The following DCC variants were observed in gnomAD, a reference collection of about 807,000 sequenced individuals.
DCC encodes netrin receptor DCC.
In DCC, 58 loss-of-function variants were observed where a neutral mutation model predicts 172.5. The ratio of observed to expected loss-of-function variants is 0.34; its 90% CI spans 0.27 to 0.42. DCC has a LOEUF of 0.42. Among genes scored for constraint, DCC ranks in the 10% least tolerant of loss-of-function variants. The pLI is 1.00. For missense variants in DCC, 1,740 were observed against 1,791.0 expected (o/e 0.97, Z 0.51); for synonymous variants, 709 against 644.5 (o/e 1.10, Z -1.52).
At chr18:52,752,865 T>A (rs2037018900) in intron 2 of DCC, among the ~76,000 whole-genome samples, 1 of 152,140 alleles carries the variant, frequency 6.6e-6, no homozygotes, top group Non-Finnish European at 1.5e-5. Flanking sequence ...TTTCTTTCAG[T>A]GCCTGGCATG....
intron 9 of DCC, among the ~76,000 whole-genome samples, chr18:53,203,857 T>C (rs904902383): frequency 6.6e-6 from 1 of 152,222 alleles, no homozygotes; most frequent in Non-Finnish European, 1.5e-5. Context: ...TAGGTAACCA[T>C]AGTGTGGCCA....
At chr18:52,366,832 C>T (rs911270644) in intron 1 of DCC, among the ~76,000 whole-genome samples, 15 of 152,384 alleles carry the variant, frequency 9.8e-5, no homozygotes, top group Non-Finnish European at 2.1e-4. Context: ...AGGAGCCCAG[C>T]TAGCTTCACC....
intron 15 of DCC, among the ~76,000 whole-genome samples, chr18:53,350,846 C>A (rs12969525): frequency 0.1 from 15,655 of 151,860 alleles, 860 homozygotes; most frequent in Middle Eastern, 0.19. Flanking sequence ...ATGTGAAAGA[C>A]AAAAACAGAA....
chr18:53,391,840 TA>T lies in DCC; in HGVS notation c.2642del (p.Tyr881SerfsTer23). 1 of 1,613,814 alleles carries T rather than the reference TA, an allele frequency of 6.2e-7. No individual in the cohort carries two copies. Among genetic ancestry groups the T allele is most frequent in the Non-Finnish European group, 8.5e-7 (1 of 1,179,708 alleles). On this transcript the variant is annotated frameshift_variant, in exon 17 of 29. Transcript: ENST00000442544. LOFTEE classifies it high-confidence loss of function. Reference protein sequence around the residue: ...KNQKTSEVRLYTVRWRTSFSA... With the variant: ...KNQKTSEVRLXTVRWRTSFSA... ...CCAAAAGACGTCTGAGGTGCGACTT[TA>T]CACCGTCCGGTGGAGAACCAGCTTT...
chr18:53,087,724 T>G (rs2042936297), intron 7 of DCC, among the ~76,000 whole-genome samples: 1 of 152,168 alleles, frequency 6.6e-6, no homozygotes, highest in African/African-American at 2.4e-5. Flanking sequence ...TCTAGGGTTT[T>G]TATGGTTTTA....
rs935983937 is a variant in DCC, at chr18:53,504,115, A to T, written c.4111+4605A>T. On this transcript the variant is annotated intron_variant, in intron 27 of 28. Transcript: ENST00000442544. ...GATTTATATTTTATGGATGGTTGGG[A>T]AATCATGTATTCCTGCTGTAACCTG... Among the ~76,000 whole-genome samples the T allele has an allele frequency of 7.2e-5, 11 of 152,324 alleles. No individual in the cohort carries two copies. In the East Asian group the frequency reaches 2.1e-3, roughly 29 times the overall value.
intron 12 of DCC, among the ~76,000 whole-genome samples, chr18:53,227,673 A>G (rs1005803148): frequency 4.7e-4 from 72 of 152,346 alleles, no homozygotes; most frequent in African/African-American, 1.7e-3. Flanking sequence ...ACTTAAGAAC[A>G]TATTATGTAT....
chr18:53,142,999 T>C (rs897679475), intron 7 of DCC, among the ~76,000 whole-genome samples: 17 of 152,186 alleles, frequency 1.1e-4, no homozygotes, highest in African/African-American at 4.1e-4. Context: ...GTATTCTTTT[T>C]GGAAAGAATA....
intron 7 of DCC, among the ~76,000 whole-genome samples, chr18:53,146,944 A>G (rs985320493): frequency 1.3e-5 from 2 of 152,212 alleles, no homozygotes; most frequent in Non-Finnish European, 2.9e-5. Flanking sequence ...ATTTTTTTAA[A>G]TTAAAAAAGA....
chr18:52,540,754 C>A (rs192607929), intron 1 of DCC, among the ~76,000 whole-genome samples: 2 of 151,670 alleles, frequency 1.3e-5, no homozygotes, highest in African/African-American at 2.4e-5. Flanking sequence ...CTACAGGCGC[C>A]CGCCACCACG....
intron 7 of DCC, among the ~76,000 whole-genome samples, chr18:53,155,858 C>G (rs141022631): frequency 0.017 from 2,612 of 152,282 alleles, 77 homozygotes; most frequent in African/African-American, 0.06. Flanking sequence ...GAAACCCTGT[C>G]TCTACCAAAA....
chr18:52,937,711 C>A (rs1294013193), intron 5 of DCC, among the ~76,000 whole-genome samples: 2 of 151,980 alleles, frequency 1.3e-5, no homozygotes, highest in Admixed American at 6.6e-5. Flanking sequence ...TGGTTTTGAA[C>A]CCCTGGAGTC....
chr18:52,912,478 G>C (rs1045038697), intron 3 of DCC, among the ~76,000 whole-genome samples: 1 of 151,950 alleles, frequency 6.6e-6, no homozygotes, highest in Non-Finnish European at 1.5e-5. Flanking sequence ...TTTATCTGTA[G>C]TCCTAGCACA....
rs150050349 is a variant in DCC at position 53,258,885 on chromosome 18, G to T, written c.1911+43288G>T. On this transcript the variant is annotated intron_variant, in intron 12 of 28. Transcript: ENST00000442544. ...CACTGAGGACTTGCTTTATGAATCT[G>T]GGTGCTCCTGTATTGGGTGCATATA... Among the ~76,000 whole-genome samples, 340 of 152,232 alleles carry T rather than the reference G, an allele frequency of 2.2e-3. 1 individual carries two copies. The highest frequency in any genetic ancestry group is 7.7e-3 in the African/African-American group (319 of 41,552).
At chr18:53,412,909 C>T (rs1376652754) in intron 20 of DCC, among the ~76,000 whole-genome samples, 1 of 152,130 alleles carries the variant, frequency 6.6e-6, no homozygotes, top group African/African-American at 2.4e-5. Flanking sequence ...TATGATGTAT[C>T]TAATTCTTTC....
At chr18:53,252,052 T>A (rs1342580239) in intron 12 of DCC, among the ~76,000 whole-genome samples, 1 of 151,938 alleles carries the variant, frequency 6.6e-6, no homozygotes, top group Non-Finnish European at 1.5e-5. Context: ...CATGTATGTT[T>A]CCTATATTTT....
chr18:52,607,433 G>A (rs931153389), intron 1 of DCC, among the ~76,000 whole-genome samples: 4 of 152,072 alleles, frequency 2.6e-5, no homozygotes, highest in Non-Finnish European at 5.9e-5. Context: ...ATCTAATTGG[G>A]CAAAGTCTAA....
At chr18:53,493,702 T>A (rs1197629464) in intron 26 of DCC, among the ~76,000 whole-genome samples, 1 of 152,166 alleles carries the variant, frequency 6.6e-6, no homozygotes, top group African/African-American at 2.4e-5. Context: ...GTTGATCTTT[T>A]CAAAAAACCA....
intron 23 of DCC, among the ~76,000 whole-genome samples, chr18:53,453,059 G>T (rs1393643904): frequency 6.6e-6 from 1 of 152,010 alleles, no homozygotes. Flanking sequence ...GGGACTACAG[G>T]TGCCCGCCAC....
Sources: allele counts gnomAD v4.1 joint callset (sites outside exome capture counted in the v4.1 genomes callset), GRCh38; gene constraint gnomAD v4.1.1; transcripts MANE v1.5; gene names NCBI Gene and HGNC (gene_info 2026-07-23, HGNC 2026-07-21).